The following NFIB variants were observed in gnomAD, a reference collection of about 807,000 sequenced individuals.
The protein encoded by NFIB is nuclear factor I B.
In NFIB, 11 loss-of-function variants were observed where a neutral mutation model predicts 61.5. The observed-to-expected ratio is 0.18, with a 90% confidence interval of 0.11 to 0.30. NFIB has a LOEUF of 0.30. Ranked by LOEUF, NFIB falls within the 10% of genes least tolerant of loss-of-function variation. The pLI, the probability that NFIB is intolerant of heterozygous loss-of-function variation, is 1.00. For synonymous variants in NFIB, 260 were observed against 216.5 expected, an observed-to-expected ratio of 1.20 and a Z score of -1.76; for missense variants, 471 against 608.9, an observed-to-expected ratio of 0.77 and a Z score of 2.38.
At chr9:14,382,211 G>GGAAGGCAATTCTTTTC (rs2061496243) in intron 1 of NFIB, among the ~76,000 whole-genome samples, 1 of 152,154 alleles carries the variant, frequency 6.6e-6, no homozygotes, top group Admixed American at 6.5e-5. Flanking sequence ...GATACCCTCT[G>GGAAGGCAATTCTTTTC]GAAGGCAATT....
chr9:14,083,110 AAC>A lies in NFIB; in HGVS notation c.*5197_*5198del. On this transcript the variant is annotated 3_prime_UTR_variant, in exon 11 of 11. Coordinates refer to ENST00000380953, the MANE Select transcript of NFIB (RefSeq NM_001190737.2). The stretch of plus-strand genomic sequence containing the variant: ...CCTTTTATTATTAAAAAAAAAAAAA[AAC>A]TACTTACAACCATTGAAGAAAAAAT... The A allele has an allele frequency of 1.4e-5, 3 of 209,020 alleles. No individual in the cohort carries two copies. The highest frequency in any genetic ancestry group is 1.4e-4 in the East Asian group (2 of 13,846). The allele number at this position is 209,020 out of a possible 1,614,324, so 12.9% of individuals were successfully genotyped here. A position where few individuals can be genotyped will look rare whatever the true frequency, so the allele number is the denominator to read the frequency against.
chr9:14,431,686 G>A, the NFIB span, among the ~76,000 whole-genome samples: 39 of 148,780 alleles, frequency 2.6e-4, no homozygotes, highest in African/African-American at 9.4e-4. Flanking sequence ...AATTCAAGTT[G>A]ATTTATTTGG....
intron 1 of NFIB, among the ~76,000 whole-genome samples, chr9:14,355,376 C>G (rs1264562111): frequency 6.6e-6 from 1 of 152,148 alleles, no homozygotes; most frequent in African/African-American, 2.4e-5. Flanking sequence ...AACTTGATCT[C>G]AGACTTGAGC....
intron 1 of NFIB, among the ~76,000 whole-genome samples, chr9:14,373,622 G>A (rs969429960): frequency 2.0e-5 from 3 of 148,830 alleles, no homozygotes; most frequent in Admixed American, 1.4e-4. Context: ...ACATTTAAAG[G>A]GCTGTGTGTG....
intron 1 of NFIB, among the ~76,000 whole-genome samples, chr9:14,398,040 C>T (rs7035301): frequency 0.2 from 30,853 of 151,900 alleles, 3,302 homozygotes; most frequent in East Asian, 0.42. Flanking sequence ...ATGAATATTT[C>T]CCATACTATT....
intron 2 of NFIB, among the ~76,000 whole-genome samples, chr9:14,191,286 T>C (rs552513988): frequency 1.3e-5 from 2 of 151,938 alleles, no homozygotes; most frequent in South Asian, 4.1e-4. Flanking sequence ...TGAGATTACA[T>C]CACTGCACTC....
At chr9:14,450,036 G>A in the NFIB span, among the ~76,000 whole-genome samples, 1 of 152,014 alleles carries the variant, frequency 6.6e-6, no homozygotes, top group Non-Finnish European at 1.5e-5. Flanking sequence ...TTGTTACCTA[G>A]GTATACATGT....
chr9:14,325,083 A>C, intron 1 of NFIB, among the ~76,000 whole-genome samples: 1 of 152,100 alleles, frequency 6.6e-6, no homozygotes, highest in East Asian at 1.9e-4. Context: ...TTTGAAATAG[A>C]TGCTCCTTTT....
chr9:14,489,276 A>T, the NFIB span, among the ~76,000 whole-genome samples: 1 of 152,222 alleles, frequency 6.6e-6, no homozygotes, highest in South Asian at 2.1e-4. Flanking sequence ...TTGATGGTGG[A>T]TTTAAGTTTA....
chr9:14,459,378 A>G, the NFIB span, among the ~76,000 whole-genome samples: 2 of 152,264 alleles, frequency 1.3e-5, no homozygotes, highest in African/African-American at 4.8e-5. Context: ...AAGATGGATT[A>G]AAGACTTACA....
the NFIB span, among the ~76,000 whole-genome samples, chr9:14,464,725 A>C: frequency 6.6e-6 from 1 of 151,842 alleles, no homozygotes; most frequent in Non-Finnish European, 1.5e-5. Context: ...ATGGACCAGA[A>C]CCCTAAAGAT....
At chr9:14,381,942 T>A (rs2061493300) in intron 1 of NFIB, among the ~76,000 whole-genome samples, 1 of 152,002 alleles carries the variant, frequency 6.6e-6, no homozygotes, top group Admixed American at 6.5e-5. Context: ...GGTACCAAGA[T>A]GTTTGCATAA....
intron 1 of NFIB, among the ~76,000 whole-genome samples, chr9:14,351,151 T>A (rs1284755032): frequency 1.3e-5 from 2 of 152,232 alleles, no homozygotes; most frequent in African/African-American, 2.4e-5. Context: ...GAGAGGATCA[T>A]GTTTGGGCAT....
At chr9:14,493,546 T>G in the NFIB span, among the ~76,000 whole-genome samples, 12 of 152,236 alleles carry the variant, frequency 7.9e-5, no homozygotes, top group African/African-American at 2.9e-4. Context: ...CTTTATTAGA[T>G]TATGAAATAA....
intron 1 of NFIB, among the ~76,000 whole-genome samples, chr9:14,328,494 AT>A (rs1039927872): frequency 1.6e-4 from 24 of 151,456 alleles, no homozygotes; most frequent in African/African-American, 2.9e-4. Flanking sequence ...ATTATCTTTA[AT>A]TTTTTTTGGT....
At chr9:14,479,956 G>A in the NFIB span, among the ~76,000 whole-genome samples, 1 of 151,884 alleles carries the variant, frequency 6.6e-6, no homozygotes. Flanking sequence ...TGGAAAAAAA[G>A]AAAGAAGACA....
chr9:14,101,457 A>G (rs1212858593), intron 10 of NFIB, among the ~76,000 whole-genome samples: 2 of 152,224 alleles, frequency 1.3e-5, no homozygotes, highest in Non-Finnish European at 2.9e-5. Context: ...ATATGGAGAT[A>G]GGCAGACGAT....
chr9:14,458,230 A>T, the NFIB span, among the ~76,000 whole-genome samples: 1 of 152,190 alleles, frequency 6.6e-6, no homozygotes. Flanking sequence ...ATCAATAAAC[A>T]TAATCCAGCA....
At chr9:14,499,908 A>G in the NFIB span, among the ~76,000 whole-genome samples, 5 of 152,176 alleles carry the variant, frequency 3.3e-5, no homozygotes, top group African/African-American at 9.7e-5. Context: ...AAAGAGCACA[A>G]TTGCATTTTA....
Sources: gnomAD v4.1 joint callset for allele counts (sites outside exome capture counted in the v4.1 genomes callset) on GRCh38, gnomAD v4.1.1 for gene constraint, MANE v1.5 for transcripts, NCBI Gene and HGNC (gene_info 2026-07-23, HGNC 2026-07-21) for gene names.